Variants in THEMIS observed in about 807,000 individuals in gnomAD.
THEMIS encodes thymocyte selection associated, also known as protein THEMIS.
In THEMIS, 37 loss-of-function variants were observed where a neutral mutation model predicts 52.6. That is an observed-to-expected ratio of 0.70 (90% CI 0.54 to 0.93). THEMIS has a LOEUF of 0.93. Among genes scored for constraint, THEMIS ranks in the 40% least tolerant of loss-of-function variants. The pLI is 0.00. For synonymous variants in THEMIS, 292 were observed against 272.7 expected (o/e 1.07, Z -0.70); for missense variants, 808 against 763.1 (o/e 1.06, Z -0.69).
At chr6:127,749,275 C>T (rs141910457) in intron 4 of THEMIS, among the ~76,000 whole-genome samples, 2 of 152,100 alleles carry the variant, frequency 1.3e-5, no homozygotes, top group Non-Finnish European at 2.9e-5. Context: ...TCAAATCTGA[C>T]AAGTGCATAA....
At chr6:127,751,318 G>A (rs565963701) in intron 4 of THEMIS, among the ~76,000 whole-genome samples, 87 of 151,600 alleles carry the variant, frequency 5.7e-4, no homozygotes, top group African/African-American at 1.7e-3. Flanking sequence ...GATCTTTTAC[G>A]TAAGTCTCAT....
At chr6:127,821,118 C>T (rs917226503) in intron 3 of THEMIS, among the ~76,000 whole-genome samples, 9 of 151,446 alleles carry the variant, frequency 5.9e-5, no homozygotes, top group South Asian at 2.1e-4. Flanking sequence ...TAGACAACAA[C>T]GGCTTATATT....
rs548706484 is a variant in THEMIS at position 127,848,431 on chromosome 6, T to C, written c.250+6599A>G. Among the ~76,000 whole-genome samples, 22 of 152,116 alleles carry C rather than the reference T, an allele frequency of 1.4e-4. No homozygotes were observed. The East Asian group carries it at 4.3e-3, about 30-fold the overall frequency. On this transcript the variant is annotated intron_variant, in intron 2 of 5. Transcript: ENST00000368248. ...GCAGCATGATTTATAATCCTTTGGG[T>C]ATATACCCAGTAATGAGATGGCTGG... is the stretch of plus-strand genomic sequence containing the variant.
intron 2 of THEMIS, among the ~76,000 whole-genome samples, chr6:127,843,410 T>G (rs948376062): frequency 6.6e-6 from 1 of 151,958 alleles, no homozygotes; most frequent in African/African-American, 2.4e-5. Flanking sequence ...ATGTGGCTAC[T>G]TGAATTTGGA....
chr6:127,824,407 T>G (rs1477271167), intron 3 of THEMIS, among the ~76,000 whole-genome samples: 1 of 152,072 alleles, frequency 6.6e-6, no homozygotes, highest in Non-Finnish European at 1.5e-5. Context: ...TCACAAAACC[T>G]AAATTTGAGG....
chr6:127,823,242 G>A (rs908923241), intron 3 of THEMIS, among the ~76,000 whole-genome samples: 5 of 152,068 alleles, frequency 3.3e-5, no homozygotes, highest in African/African-American at 9.7e-5. Context: ...AGTATCTACT[G>A]GTTCTAAATG....
At chr6:127,722,115 T>C (rs1457319281) in intron 4 of THEMIS, among the ~76,000 whole-genome samples, 1 of 152,060 alleles carries the variant, frequency 6.6e-6, no homozygotes, top group Admixed American at 6.6e-5. Flanking sequence ...GGACATTTTA[T>C]AAACATATTA....
chr6:127,865,420 C>T (rs549837710), intron 1 of THEMIS, among the ~76,000 whole-genome samples: 200 of 152,184 alleles, frequency 1.3e-3, no homozygotes, highest in Non-Finnish European at 2.2e-3. Context: ...GCTGAGTTAA[C>T]CCTTTACTAA....
At chr6:127,800,671 T>C (rs900725670) in intron 4 of THEMIS, among the ~76,000 whole-genome samples, 1 of 152,068 alleles carries the variant, frequency 6.6e-6, no homozygotes, top group Admixed American at 6.6e-5. Flanking sequence ...TTAATCTGAG[T>C]GGACACAATC....
intron 4 of THEMIS, among the ~76,000 whole-genome samples, chr6:127,792,350 C>T (rs984291986): frequency 2.0e-5 from 3 of 152,162 alleles, no homozygotes; most frequent in South Asian, 2.1e-4. Flanking sequence ...AGAGACAGGA[C>T]GGCCAAGACA....
At chr6:127,907,277 T>C (rs999933375) in intron 1 of THEMIS, among the ~76,000 whole-genome samples, 2 of 145,884 alleles carry the variant, frequency 1.4e-5, no homozygotes, top group East Asian at 4.1e-4. Context: ...ACAGCATTTC[T>C]ACCTACAAAA....
Position 127,813,432 on chromosome 6 carries a change from T to C in THEMIS, c.1209A>G (p.Gly403=), listed in dbSNP as rs754757689. 8 of 1,613,864 alleles carry C rather than the reference T, an allele frequency of 5.0e-6. No individual in the cohort carries two copies. Among genetic ancestry groups the C allele is most frequent in the Non-Finnish European group, 6.8e-6 (8 of 1,179,982 alleles). The stretch of plus-strand genomic sequence containing the variant: ...CCAGAACATTCACCACTTTTTTTAT[T>C]CCCTCACAGAGGACTTCAGTCGTCT... The part of the protein sequence containing the change: ...QSETTEVLCE[G]IKKVVNVLAC... Residue 403 remains glycine, a synonymous_variant, in exon 4 of 6, where the codon GGA becomes GGG. Coordinates refer to ENST00000368248, the MANE Select transcript of THEMIS (RefSeq NM_001010923.3).
At chr6:127,745,596 T>C (rs1775361178) in intron 4 of THEMIS, among the ~76,000 whole-genome samples, 1 of 151,878 alleles carries the variant, frequency 6.6e-6, no homozygotes. Flanking sequence ...TCCAGTTCTA[T>C]TTCAACATAT....
In THEMIS at chr6:127,813,809, T is replaced by C. The variant is rs543803228; in HGVS notation, c.832A>G (p.Ser278Gly). The C allele has an allele frequency of 6.2e-6, 10 of 1,614,024 alleles. No homozygotes were observed. The highest frequency in any genetic ancestry group is 2.7e-5 in the African/African-American group (2 of 75,042). ...TCAGTCACTATGGGGAACTCTTTAC[T>C]AGTCATTTCAAAAAGATCTTCTGTT... ...LSTEDLFEMT[S>G]KEFPIVTEVI... Residue 278 changes from serine (S) to glycine (G), a missense_variant, in exon 4 of 6, where the codon AGT becomes GGT. By Grantham distance (56) the Ser-to-Gly change is moderately conservative. Coordinates refer to ENST00000368248, the MANE Select transcript of THEMIS (RefSeq NM_001010923.3).
At chr6:127,897,250 T>C (rs867315762) in intron 1 of THEMIS, among the ~76,000 whole-genome samples, 4 of 151,374 alleles carry the variant, frequency 2.6e-5, no homozygotes, top group African/African-American at 9.7e-5. Context: ...AGAAAAAAAT[T>C]GTTGACAACA....
chr6:127,915,880 G>A lies in THEMIS; in HGVS notation c.-150+2548C>T, dbSNP rs181738025. ...CACACGCCTGTAATCCCAGCTACTC[G>A]GGAGGCTGAGGCAGGAGAATCGTTT... On this transcript the variant is annotated intron_variant, in intron 1 of 6. Transcript: ENST00000368250. 7.9e-3 allele frequency among the ~76,000 whole-genome samples: 1,209 copies of A among 152,182 alleles called. 9 individuals carry two copies. The highest frequency in any genetic ancestry group is 0.012 in the Non-Finnish European group (833 of 67,994).
intron 4 of THEMIS, among the ~76,000 whole-genome samples, chr6:127,735,183 A>T (rs1302066758): frequency 2.0e-5 from 3 of 152,048 alleles, no homozygotes; most frequent in Non-Finnish European, 4.4e-5. Flanking sequence ...TATTGCAAGG[A>T]ATAGACAGGG....
At chr6:127,736,835 A>C (rs1387116178) in intron 4 of THEMIS, among the ~76,000 whole-genome samples, 1 of 148,342 alleles carries the variant, frequency 6.7e-6, no homozygotes, top group Admixed American at 6.7e-5. Flanking sequence ...ACATAAGTAA[A>C]GGAAAACCAA....
upstream of THEMIS, among the ~76,000 whole-genome samples, chr6:127,901,267 C>T (rs1781127809): frequency 1.3e-5 from 2 of 152,004 alleles, no homozygotes; most frequent in Admixed American, 1.3e-4. Context: ...TTTGTTAATC[C>T]AGGTGTGCAT....
Sources: gnomAD v4.1 joint callset for allele counts (sites outside exome capture counted in the v4.1 genomes callset) on GRCh38, gnomAD v4.1.1 for gene constraint, MANE v1.5 for transcripts, NCBI Gene and HGNC (gene_info 2026-07-23, HGNC 2026-07-21) for gene names.